TEX11: variants seen among roughly 807,000 people sequenced by gnomAD.
The protein encoded by TEX11 is testis expressed 11.
Under a neutral mutation model 84.4 loss-of-function variants are expected in TEX11, and 7 were observed. That is an observed-to-expected ratio of 0.08 (90% CI 0.05 to 0.16). TEX11 has a LOEUF of 0.16. Among genes scored for constraint, TEX11 ranks in the 10% least tolerant of loss-of-function variants. The probability of loss-of-function intolerance (pLI) is 1.00; values close to 1 mark genes in which losing one functional copy is unlikely to be tolerated. For missense variants in TEX11, 551 were observed against 660.5 expected, an observed-to-expected ratio of 0.83 and a Z score of 1.82; for synonymous variants, 264 against 222.8, an observed-to-expected ratio of 1.18 and a Z score of -1.64.
chrX:70,838,629 C>T (rs2091420272), intron 7 of TEX11, among the ~76,000 whole-genome samples: 1 of 112,040 alleles, frequency 8.9e-6, no homozygotes, highest in African/African-American at 3.2e-5. Context: ...GAGTGCCAGA[C>T]AGTAGGTGCA....
intron 9 of TEX11, among the ~76,000 whole-genome samples, chrX:70,749,468 A>G (rs1334003647): frequency 6.4e-5 from 7 of 109,608 alleles, no homozygotes; most frequent in African/African-American, 2.3e-4. Flanking sequence ...GTTGAATAGG[A>G]GTGGTGAGAG....
At chrX:70,565,086 T>C (rs369026292) in intron 25 of TEX11, among the ~76,000 whole-genome samples, 2 of 107,273 alleles carry the variant, frequency 1.9e-5, no homozygotes, top group Non-Finnish European at 3.9e-5. Flanking sequence ...GACTTTTTAA[T>C]GATTGCCATT....
chrX:70,885,713 G>C (rs903069889), intron 2 of TEX11, among the ~76,000 whole-genome samples: 4 of 109,709 alleles, frequency 3.6e-5, no homozygotes, highest in Non-Finnish European at 7.6e-5. Flanking sequence ...GCAACATGGT[G>C]AAACCCCGTC....
chrX:70,601,534 CTTTTT>C (rs1182961993), intron 24 of TEX11, among the ~76,000 whole-genome samples: 1 of 63,401 alleles, frequency 1.6e-5, no homozygotes, highest in Admixed American at 2.2e-4. Flanking sequence ...CAGCATCATT[CTTTTT>C]TTTTTTTTTT....
chrX:70,858,178 A>G (rs1283229673), intron 5 of TEX11, among the ~76,000 whole-genome samples: 1 of 109,778 alleles, frequency 9.1e-6, no homozygotes, highest in Non-Finnish European at 1.9e-5. Context: ...GGCCGGATGC[A>G]GTGGCTCACA....
intron 25 of TEX11, among the ~76,000 whole-genome samples, chrX:70,586,067 CA>C (rs1254165338): frequency 8.9e-6 from 1 of 112,339 alleles, no homozygotes; most frequent in African/African-American, 3.2e-5. Flanking sequence ...AACAAACAAA[CA>C]AAAAATAATA....
At chrX:70,635,929 C>T (rs949755770) in intron 17 of TEX11, among the ~76,000 whole-genome samples, 1 of 111,474 alleles carries the variant, frequency 9.0e-6, no homozygotes, top group Non-Finnish European at 1.9e-5. Flanking sequence ...AGCCTTCACA[C>T]CTGCTTATGT....
chrX:70,539,329 C>T lies in TEX11; in HGVS notation c.2521-9330G>A, dbSNP rs1411258505. Among the ~76,000 whole-genome samples, 3 of 109,750 alleles carry T rather than the reference C, an allele frequency of 2.7e-5. No individual in the cohort carries two copies. In the East Asian group the frequency reaches 8.6e-4, roughly 32 times the overall value. ...GATTACAGGCATGAGCCACCGTGCC[C>T]GGCCGGAAGTATAGTTAAAACGCAG... On this transcript the variant is annotated intron_variant, in intron 28 of 29. Coordinates refer to ENST00000374333, the MANE Select transcript of TEX11 (RefSeq NM_031276.3).
chrX:70,634,893 T>C (rs1400892618), intron 17 of TEX11, among the ~76,000 whole-genome samples: 1 of 112,112 alleles, frequency 8.9e-6, no homozygotes, highest in Non-Finnish European at 1.9e-5. Context: ...GCACAATCCA[T>C]AAAAGAAGAA....
rs925429151 is a variant in TEX11 at position 70,854,591 on chromosome X, T to C, written c.325-1263A>G. 8.3e-5 allele frequency among the ~76,000 whole-genome samples: 9 copies of C among 108,782 alleles called. No individual in the cohort carries two copies. In the East Asian group the frequency reaches 1.2e-3, roughly 14 times the overall value. 94.5% of individuals were successfully genotyped at this position (108,782 alleles called of 115,157 possible). A position where few individuals can be genotyped will look rare whatever the true frequency, so the allele number is the denominator to read the frequency against. On this transcript the variant is annotated intron_variant, in intron 5 of 29. Coordinates refer to ENST00000374333, the MANE Select transcript of TEX11 (RefSeq NM_031276.3). Reference sequence around the variant, plus strand: ...TCTCTACAAAAAATTTAAAAATTCATTGGGCATGGTGGTGCACACCTGTGG... The same window carrying C: ...TCTCTACAAAAAATTTAAAAATTCACTGGGCATGGTGGTGCACACCTGTGG...
intron 25 of TEX11, among the ~76,000 whole-genome samples, chrX:70,587,814 G>A (rs1018758655): frequency 2.6e-4 from 29 of 112,339 alleles, no homozygotes; most frequent in Admixed American, 1.9e-3. Flanking sequence ...ATGCCAGCCC[G>A]TGAAAGCAAC....
chrX:70,589,004 C>T (rs1228895861), intron 25 of TEX11, among the ~76,000 whole-genome samples: 1 of 108,702 alleles, frequency 9.2e-6, no homozygotes, highest in African/African-American at 3.4e-5. Context: ...TGAGAGGTTA[C>T]CAGGGGCTGG....
At chrX:70,710,307 G>C (rs1184295601) in intron 13 of TEX11, among the ~76,000 whole-genome samples, 1 of 111,523 alleles carries the variant, frequency 9.0e-6, no homozygotes, top group Non-Finnish European at 1.9e-5. Context: ...TTTCATTACA[G>C]TCATAGCATG....
At chrX:70,792,912 A>G (rs1050253275) in intron 9 of TEX11, among the ~76,000 whole-genome samples, 2 of 111,658 alleles carry the variant, frequency 1.8e-5, no homozygotes, top group Admixed American at 1.9e-4. Flanking sequence ...TCCAGCCAAT[A>G]TCACTGATGA....
At chrX:70,573,398 C>T (rs991545449) in intron 25 of TEX11, among the ~76,000 whole-genome samples, 1 of 111,677 alleles carries the variant, frequency 9.0e-6, no homozygotes, top group Non-Finnish European at 1.9e-5. Flanking sequence ...AATTTCCTTC[C>T]AGGAAAAATC....
At chrX:70,819,466 A>T (rs2091307215) in intron 8 of TEX11, among the ~76,000 whole-genome samples, 1 of 111,655 alleles carries the variant, frequency 9.0e-6, no homozygotes, top group African/African-American at 3.3e-5. Flanking sequence ...TGAAAAGCCC[A>T]CAGCTAACAT....
At chrX:70,672,853 G>A (rs2147640516) in intron 15 of TEX11, 1 of 110,496 alleles carries the variant, frequency 9.1e-6, no homozygotes, top group East Asian at 2.8e-4. Flanking sequence ...TTCTTCAGAG[G>A]ATAGCTTTTT....
chrX:70,535,756 A>C (rs982004364), intron 28 of TEX11, among the ~76,000 whole-genome samples: 42 of 108,991 alleles, frequency 3.9e-4, no homozygotes, highest in Admixed American at 3.9e-4. Context: ...TCAAAAAAAA[A>C]CCCACAAAAC....
chrX:70,772,260 C>T (rs1333223200), intron 9 of TEX11, among the ~76,000 whole-genome samples: 2 of 111,307 alleles, frequency 1.8e-5, no homozygotes, highest in East Asian at 2.8e-4. Context: ...GTGCAGATAC[C>T]AACTCAAGGC....
Sources: gnomAD v4.1 joint callset for allele counts (sites outside exome capture counted in the v4.1 genomes callset) on GRCh38, gnomAD v4.1.1 for gene constraint, MANE v1.5 for transcripts, NCBI Gene and HGNC (gene_info 2026-07-23, HGNC 2026-07-21) for gene names.